Variants in EFR3B observed in about 807,000 individuals in gnomAD.
EFR3B encodes the protein EFR3 homolog B, also known as protein EFR3 homolog B.
In EFR3B, 64 loss-of-function variants were observed where a neutral mutation model predicts 104.7. That is an observed-to-expected ratio of 0.61 (90% confidence interval 0.50 to 0.75). EFR3B has a LOEUF of 0.75. Among genes scored for constraint, EFR3B ranks in the 30% least tolerant of loss-of-function variants. The pLI, the probability that EFR3B is intolerant of heterozygous loss-of-function variation, is 0.00. For synonymous variants in EFR3B, 385 were observed against 417.9 expected, an observed-to-expected ratio of 0.92 and a Z score of 0.96; for missense variants, 750 against 1,078.5, an observed-to-expected ratio of 0.70 and a Z score of 4.27.
chr2:25,149,855 G>A, intron 20 of EFR3B, 113 bp downstream of exon 20: 1 of 955,388 alleles, frequency 1.0e-6, no homozygotes, highest in East Asian at 2.6e-5. Flanking sequence ...TCCAGCACCT[G>A]CGTGAAGGGA....
chr2:25,117,741 A>G (rs11684464), intron 4 of EFR3B, among the ~76,000 whole-genome samples: 60,077 of 151,806 alleles, frequency 0.4, 14,163 homozygotes, highest in East Asian at 0.8. Context: ...TAAGGTGCCT[A>G]TTGCCCACTT....
chr2:25,128,443 C>A, intron 6 of EFR3B, 111 bp downstream of exon 6: 1 of 1,400,482 alleles, frequency 7.1e-7, no homozygotes. Context: ...AGGCCAGGGA[C>A]ATGGCTTTGT....
intron 1 of EFR3B, among the ~76,000 whole-genome samples, chr2:25,073,483 A>G (rs1157718580): frequency 6.6e-6 from 1 of 151,496 alleles, no homozygotes; most frequent in Non-Finnish European, 1.5e-5. Context: ...TCAGCCTCCC[A>G]AATAGCTGGG....
intron 3 of EFR3B, among the ~76,000 whole-genome samples, chr2:25,094,635 CT>C (rs1276338499): frequency 6.6e-6 from 1 of 152,178 alleles, no homozygotes; most frequent in Non-Finnish European, 1.5e-5. Context: ...CATTTTCATT[CT>C]TTTCTAGAAA....
intron 4 of EFR3B, among the ~76,000 whole-genome samples, chr2:25,106,403 C>T (rs12233169): frequency 0.24 from 35,792 of 151,238 alleles, 5,503 homozygotes; most frequent in East Asian, 0.52. Flanking sequence ...GATTCTTCTA[C>T]TTCAGCCTCT....
At chr2:25,053,228 C>T (rs1454130417) in intron 1 of EFR3B, among the ~76,000 whole-genome samples, 1 of 152,258 alleles carries the variant, frequency 6.6e-6, no homozygotes, top group African/African-American at 2.4e-5. Context: ...TGGATCACTT[C>T]TCTCACTTCT....
chr2:25,110,202 G>A (rs1439081490), intron 4 of EFR3B, among the ~76,000 whole-genome samples: 3 of 151,874 alleles, frequency 2.0e-5, no homozygotes, highest in Non-Finnish European at 2.9e-5. Flanking sequence ...GCCACCCTCC[G>A]GGGCCCTCGG....
At chr2:25,057,094 G>A (rs1320317862) in intron 1 of EFR3B, among the ~76,000 whole-genome samples, 1 of 152,212 alleles carries the variant, frequency 6.6e-6, no homozygotes, top group South Asian at 2.1e-4. Context: ...CAGAGGGAAT[G>A]TAGGTGCTGC....
chr2:25,130,369 G>T lies in EFR3B; in HGVS notation c.771-183G>T, dbSNP rs148057087. On this transcript the variant is annotated intron_variant, in intron 7 of 22. Transcript: ENST00000403714. The surrounding 1 kb of genome is among the most constrained non-coding windows in gnomAD (Gnocchi z 4.6). ...CCACACACATCCACAACTGCAGAGC[G>T]CTGTCCTTGGCCTCTCTCCAGCACT... Among the ~76,000 whole-genome samples the T allele has an allele frequency of 4.0e-4, 61 of 152,316 alleles. No individual in the cohort carries two copies. The highest frequency in any genetic ancestry group is 3.4e-3 in the Middle Eastern group (1 of 294).
chr2:25,101,034 G>A (rs1669419184), intron 3 of EFR3B, among the ~76,000 whole-genome samples: 1 of 152,180 alleles, frequency 6.6e-6, no homozygotes, highest in South Asian at 2.1e-4. Context: ...GTGCCATCAG[G>A]TTTCTAAAGC....
chr2:25,064,644 T>TA (rs1668283228), intron 1 of EFR3B, among the ~76,000 whole-genome samples: 1 of 152,136 alleles, frequency 6.6e-6, no homozygotes, highest in South Asian at 2.1e-4. Context: ...CACATGTACT[T>TA]AAAAAAATCG....
At chr2:25,117,345 CT>C (rs1669890781) in intron 4 of EFR3B, among the ~76,000 whole-genome samples, 1 of 151,996 alleles carries the variant, frequency 6.6e-6, no homozygotes, top group Non-Finnish European at 1.5e-5. Context: ...TGTGACTCTG[CT>C]GTCTGGAAGT....
chr2:25,059,767 C>T (rs1239759541), intron 1 of EFR3B, among the ~76,000 whole-genome samples: 5 of 148,698 alleles, frequency 3.4e-5, no homozygotes, highest in Non-Finnish European at 5.9e-5. Flanking sequence ...CCCAGCTACT[C>T]GGGAGGCCGA....
chr2:25,053,631 G>A (rs1573164437), intron 1 of EFR3B, among the ~76,000 whole-genome samples: 2 of 152,162 alleles, frequency 1.3e-5, no homozygotes, highest in South Asian at 2.1e-4. Flanking sequence ...CTGGCCAGGC[G>A]CGGTGGCTCA....
At position 25,154,358 on chromosome 2, in the gene EFR3B, T is replaced by A; in HGVS notation, c.*18T>A. The A allele has an allele frequency of 6.5e-7, 1 of 1,549,288 alleles. No individual in the cohort carries two copies. Among genetic ancestry groups the A allele is most frequent in the Non-Finnish European group, 8.7e-7 (1 of 1,144,670 alleles). On this transcript the variant is annotated 3_prime_UTR_variant, in exon 23 of 23. Transcript: ENST00000403714. This position sits in a 1 kb window ranked among gnomAD's most constrained non-coding sequence, Gnocchi z 4.1. ...TATACTGAATTCCAAGAGCCTGAGC[T>A]CCTCAAGGAGATGGGGTCTGAGGAG... is the stretch of plus-strand genomic sequence containing the variant.
chr2:25,128,960 C>CAAAAAAAAAA (rs1170505822), intron 6 of EFR3B, among the ~76,000 whole-genome samples: 3 of 26,688 alleles, frequency 1.1e-4, no homozygotes, highest in Non-Finnish European at 2.1e-4. Flanking sequence ...GACTCCGTCT[C>CAAAAAAAAAA]AAAAAAAAAA....
chr2:25,124,460 C>T (rs1242815147), intron 5 of EFR3B, among the ~76,000 whole-genome samples: 2 of 152,016 alleles, frequency 1.3e-5, no homozygotes, highest in African/African-American at 4.8e-5. Flanking sequence ...GGCGCAGTGG[C>T]TCACGCCTGT....
Position 25,070,196 on chromosome 2 carries a change from C to T in EFR3B, c.8-21129C>T, listed in dbSNP as rs75142213. Among the ~76,000 whole-genome samples, 641 of 152,294 alleles carry T rather than the reference C, an allele frequency of 4.2e-3. 4 individuals carry two copies. Among genetic ancestry groups the T allele is most frequent in the African/African-American group, 0.014 (581 of 41,560 alleles). On this transcript the variant is annotated intron_variant, in intron 1 of 22. Coordinates refer to ENST00000403714, the MANE Select transcript of EFR3B (RefSeq NM_014971.2). ...AGTGTTCAAGCCCCACCCCCAGAGT[C>T]GAGTCCCACCTCCTACCTCATTACA... is the stretch of plus-strand genomic sequence containing the variant.
intron 1 of EFR3B, chr2:25,080,815 C>A: frequency 1.0e-6 from 1 of 961,620 alleles, no homozygotes. Flanking sequence ...ACAGCTCCAT[C>A]TGAATCTTCA....
Sources: allele counts gnomAD v4.1 joint callset (sites outside exome capture counted in the v4.1 genomes callset), GRCh38; gene constraint gnomAD v4.1.1; non-coding constraint Gnocchi (gnomAD v3.1); transcripts MANE v1.5; gene names NCBI Gene and HGNC (gene_info 2026-07-23, HGNC 2026-07-21).